The following FBXW9 variants were observed in gnomAD, a reference collection of about 807,000 sequenced individuals.
FBXW9 encodes F-box and WD repeat domain containing 9, also known as F-box/WD repeat-containing protein 9.
In FBXW9, 38 loss-of-function variants were observed where a neutral mutation model predicts 55.8. That is an observed-to-expected ratio of 0.68 (90% CI 0.53 to 0.89). The LOEUF (loss-of-function observed/expected upper bound fraction) is 0.89, where lower values mean the gene tolerates loss of function less well. Among genes scored for constraint, FBXW9 ranks in the 40% least tolerant of loss-of-function variants. FBXW9 has a pLI of 0.00. For synonymous variants in FBXW9, 289 were observed against 278.2 expected (o/e 1.04, Z -0.38); for missense variants, 590 against 619.4 (o/e 0.95, Z 0.50).
intron 3 of FBXW9, among the ~76,000 whole-genome samples, chr19:12,694,337 C>CA (rs1314324715): frequency 0.21 from 12,630 of 59,910 alleles, 2,455 homozygotes; most frequent in African/African-American, 0.49. Context: ...GACTCCGTCT[C>CA]AAAAAAAAAA....
chr19:12,696,278 C>G lies in FBXW9; in HGVS notation c.304G>C (p.Val102Leu). 2 of 1,574,298 alleles carry G rather than the reference C, an allele frequency of 1.3e-6. No individual in the cohort carries two copies. The highest frequency in any genetic ancestry group is 1.7e-6 in the Non-Finnish European group (2 of 1,160,434). The change falls in exon 1 of 10, where the codon GTC becomes CTC. Residue 102 changes from valine to leucine, a missense_variant. Physicochemically the swap from Val to Leu is conservative, Grantham distance 32. Transcript: ENST00000393261. ...SYLDARLVLH[V>L]LSRVCHALRD... ...AGCGCGTGGCACACCCGCGACAGGACGTGGAGCACGAGGCGGGCGTCCAGG... is the reference window on the plus strand; with the variant it reads ...AGCGCGTGGCACACCCGCGACAGGAGGTGGAGCACGAGGCGGGCGTCCAGG...
At position 12,694,860 on chromosome 19, in the gene FBXW9, AC is replaced by A; in HGVS notation, c.487del (p.Val163SerfsTer51). The A allele has an allele frequency of 6.2e-7, 1 of 1,613,966 alleles. No homozygotes were observed. The highest frequency in any genetic ancestry group is 1.1e-5 in the South Asian group (1 of 91,068). On this transcript the variant is annotated frameshift_variant, in exon 2 of 10. Coordinates refer to ENST00000393261, the MANE Select transcript of FBXW9 (RefSeq NM_032301.3). LOFTEE classifies it high-confidence loss of function. ...GCCTTCGGCCAGGCAGAAGTATTCG[AC>A]CCAGCGCCCATCCTCTGCCCAGCGG... ...LSRWAEDGRWVEYFCLAEGHV... is the reference protein window; with the variant it reads ...LSRWAEDGRWXEYFCLAEGHV...
Position 12,691,063 on chromosome 19 carries a change from G to C in FBXW9, c.883+103C>G, listed in dbSNP as rs1165859738. 8 of 1,005,148 alleles carry C rather than the reference G, an allele frequency of 8.0e-6. No homozygotes were observed. In the African/African-American group the frequency reaches 9.5e-5, roughly 12 times the overall value. 62.3% of individuals were successfully genotyped at this position (1,005,148 alleles called of 1,614,324 possible). Reference sequence around the variant, plus strand: ...ACAGCATGGCCACTCTGAGTGGTGAGTATTTGGTTAAGTGACTATGACCCC... The same window carrying C: ...ACAGCATGGCCACTCTGAGTGGTGACTATTTGGTTAAGTGACTATGACCCC... On this transcript the variant is annotated intron_variant, in intron 5 of 9. Coordinates refer to ENST00000393261, the MANE Select transcript of FBXW9 (RefSeq NM_032301.3).
In FBXW9 at chr19:12,688,955, T is replaced by A. The variant is rs1337952238; in HGVS notation, c.*261A>T. On this transcript the variant is annotated 3_prime_UTR_variant, in exon 10 of 10. Transcript: ENST00000393261. The stretch of plus-strand genomic sequence containing the variant: ...TGTCAGGTTTATTTCTCCTTCGCTC[T>A]CAACTGAGAGCGGGGCATCCAAATC... 3.1e-6 allele frequency: 2 copies of A among 655,264 alleles called. No homozygotes were observed. Among genetic ancestry groups the A allele is most frequent in the East Asian group, 5.8e-5 (2 of 34,532 alleles). 40.6% of individuals were successfully genotyped at this position (655,264 alleles called of 1,614,324 possible).
In FBXW9 at chr19:12,689,763, G is replaced by T; in HGVS notation, c.1144C>A (p.Arg382=). The T allele has an allele frequency of 6.2e-7, 1 of 1,613,972 alleles. No homozygotes were observed. Among genetic ancestry groups the T allele is most frequent in the Non-Finnish European group, 8.5e-7 (1 of 1,179,846 alleles). The change falls in exon 7 of 10, where the codon CGG becomes AGG. Residue 382 remains arginine (R), a splice_region_variant and synonymous_variant. Coordinates refer to ENST00000393261, the MANE Select transcript of FBXW9 (RefSeq NM_032301.3). The surrounding 1 kb of genome is among the most constrained non-coding windows in gnomAD (Gnocchi z 5.9). The part of the protein sequence containing the change: ...ANRNGCFQLI[R]SFDVGHSFPI... ...CAGGGGCAGGAGCTCCAGCAGACCCGGATAAGCTGGAAGCAGCCGTTGCGG... is the reference window on the plus strand; with the variant it reads ...CAGGGGCAGGAGCTCCAGCAGACCCTGATAAGCTGGAAGCAGCCGTTGCGG...
At position 12,696,528 on chromosome 19, in the gene FBXW9, C is replaced by T; in HGVS notation, c.54G>A (p.Ser18=). Residue 18 remains serine (S), a synonymous_variant, in exon 1 of 10, where the codon TCG becomes TCA. Coordinates refer to ENST00000393261, the MANE Select transcript of FBXW9 (RefSeq NM_032301.3). The part of the protein sequence containing the change: ...CDDSRTWDDD[S]DPESETDPDA... ...CTGGGTCTGTCTCTGACTCTGGGTCCGAGTCATCGTCCCAGGTGCGGGAAT... is the reference window on the plus strand; with the variant it reads ...CTGGGTCTGTCTCTGACTCTGGGTCTGAGTCATCGTCCCAGGTGCGGGAAT... 2 of 1,612,636 alleles carry T rather than the reference C, an allele frequency of 1.2e-6. No individual in the cohort carries two copies. The highest frequency in any genetic ancestry group is 2.2e-5 in the East Asian group (1 of 44,852).
At position 12,689,793 on chromosome 19, in the gene FBXW9, C is replaced by A. The variant is rs199707156; in HGVS notation, c.1114G>T (p.Ala372Ser). Residue 372 changes from alanine to serine, a missense_variant, in exon 7 of 10, where the codon GCC (alanine) becomes TCC (serine). Transcript: ENST00000393261. The surrounding 1 kb of genome is among the most constrained non-coding windows in gnomAD (Gnocchi z 5.9). Reference protein sequence around the residue: ...GDNQGLLHVFANRNGCFQLIR... With the variant: ...GDNQGLLHVFSNRNGCFQLIR... ...AGCTGGAAGCAGCCGTTGCGGTTGGCGAAGACGTGCAGCAGGCCCTGGTTG... is the reference window on the plus strand; with the variant it reads ...AGCTGGAAGCAGCCGTTGCGGTTGGAGAAGACGTGCAGCAGGCCCTGGTTG... 6.2e-7 allele frequency: 1 copy of A among 1,613,962 alleles called. No individual in the cohort carries two copies. The highest frequency in any genetic ancestry group is 1.3e-5 in the African/African-American group (1 of 74,890).
At chr19:12,695,888 A>G (rs894907518) in intron 1 of FBXW9, among the ~76,000 whole-genome samples, 3 of 152,192 alleles carry the variant, frequency 2.0e-5, no homozygotes, top group African/African-American at 7.2e-5. Context: ...ACAAGACCCC[A>G]AGACTGAGGA....
At position 12,689,728 on chromosome 19, in the gene FBXW9, G is replaced by C. The variant is rs762179818; in HGVS notation, c.1146+33C>G. On this transcript the variant is annotated intron_variant, in intron 7 of 9. Transcript: ENST00000393261. This position sits in a 1 kb window ranked among gnomAD's most constrained non-coding sequence, Gnocchi z 5.9. Reference sequence around the variant, plus strand: ...CTCGGGTAGGAAGGAAGCCCGGGGGGAGGGACAGTCAGGGGCAGGAGCTCC... The same window carrying C: ...CTCGGGTAGGAAGGAAGCCCGGGGGCAGGGACAGTCAGGGGCAGGAGCTCC... 1.2e-6 allele frequency: 2 copies of C among 1,609,742 alleles called. No homozygotes were observed. Among genetic ancestry groups the C allele is most frequent in the African/African-American group, 1.3e-5 (1 of 74,764 alleles).
chr19:12,693,603 C>A lies in FBXW9; in HGVS notation c.678+991G>T, dbSNP rs1250381846. 2.3e-3 allele frequency among the ~76,000 whole-genome samples: 170 copies of A among 72,904 alleles called. 12 individuals are homozygous for A. The highest frequency in any genetic ancestry group is 9.5e-3 in the African/African-American group (161 of 16,976). 47.8% of individuals were successfully genotyped at this position (72,904 alleles called of 152,430 possible). Reference sequence around the variant, plus strand: ...ACACACACACACACACACACACACACACACAAAAGAAATTAGCTGGGCATG... The same window carrying A: ...ACACACACACACACACACACACACAAACACAAAAGAAATTAGCTGGGCATG... On this transcript the variant is annotated intron_variant, in intron 3 of 9. Coordinates refer to ENST00000393261, the MANE Select transcript of FBXW9 (RefSeq NM_032301.3).
At position 12,689,214 on chromosome 19, in the gene FBXW9, G is replaced by A. The variant is rs1355747530; in HGVS notation, c.*2C>T. ...GCAGTATCCACATCCACGCCCACCT[G>A]CTCAGGCCTGCAGCCTCCAGACCTC... is the stretch of plus-strand genomic sequence containing the variant. On this transcript the variant is annotated 3_prime_UTR_variant, in exon 10 of 10. Coordinates refer to ENST00000393261, the MANE Select transcript of FBXW9 (RefSeq NM_032301.3). This position sits in a 1 kb window ranked among gnomAD's most constrained non-coding sequence, Gnocchi z 5.9. 2 of 1,596,550 alleles carry A rather than the reference G, an allele frequency of 1.3e-6. No homozygotes were observed. Among genetic ancestry groups the A allele is most frequent in the African/African-American group, 2.7e-5 (2 of 74,578 alleles).
Position 12,691,468 on chromosome 19 carries a change from G to C in FBXW9, c.679-14C>G. On this transcript the variant is annotated splice_polypyrimidine_tract_variant and intron_variant, in intron 3 of 9. Transcript: ENST00000393261. Reference sequence around the variant, plus strand: ...CCACACCCAGCCCTGCAGGACAGGAGCAGCAGTCACACACCTGCCACAGCC... The same window carrying C: ...CCACACCCAGCCCTGCAGGACAGGACCAGCAGTCACACACCTGCCACAGCC... The C allele has an allele frequency of 6.4e-7, 1 of 1,550,406 alleles. No individual in the cohort carries two copies. Among genetic ancestry groups the C allele is most frequent in the Non-Finnish European group, 8.7e-7 (1 of 1,148,246 alleles).
rs374518510 is a variant in FBXW9, at chr19:12,694,689, G to A, written c.583C>T (p.Arg195Cys). 24 of 1,614,044 alleles carry A rather than the reference G, an allele frequency of 1.5e-5. No homozygotes were observed. The highest frequency in any genetic ancestry group is 1.8e-5 in the Non-Finnish European group (21 of 1,180,056). ...GSLCLSGSRDRNVNLWDLRQL... is the reference protein window; with the variant it reads ...GSLCLSGSRDCNVNLWDLRQL... ...CGCAGGTCCCACAAGTTGACGTTGC[G>A]ATCTCGGGAGCCCGACAGACAGAGT... Residue 195 changes from arginine (R) to cysteine (C), a missense_variant, in exon 3 of 10, where the codon CGC (arginine) becomes TGC (cysteine). Physicochemically the swap from Arg to Cys is radical, Grantham distance 180. Coordinates refer to ENST00000393261, the MANE Select transcript of FBXW9 (RefSeq NM_032301.3).
Position 12,689,128 on chromosome 19 carries a change from G to T in FBXW9, c.*88C>A. 1 of 1,080,778 alleles carries T rather than the reference G, an allele frequency of 9.3e-7. No individual in the cohort carries two copies. The allele number at this position is 1,080,778 out of a possible 1,614,324, so 66.9% of individuals were successfully genotyped here. A position where few individuals can be genotyped will look rare whatever the true frequency, so the allele number is the denominator to read the frequency against. The stretch of plus-strand genomic sequence containing the variant: ...TTGTGCCCTAGGCCCACGGGGCGGA[G>T]GCAGCACCAACATTGGGGATGGTCC... On this transcript the variant is annotated 3_prime_UTR_variant, in exon 10 of 10. Coordinates refer to ENST00000393261, the MANE Select transcript of FBXW9 (RefSeq NM_032301.3). The surrounding 1 kb of genome is among the most constrained non-coding windows in gnomAD (Gnocchi z 5.9).
chr19:12,689,175 C>A lies in FBXW9; in HGVS notation c.*41G>T. The A allele has an allele frequency of 1.4e-6, 2 of 1,467,266 alleles. No individual in the cohort carries two copies. Among genetic ancestry groups the A allele is most frequent in the Non-Finnish European group, 1.9e-6 (2 of 1,046,372 alleles). The allele number at this position is 1,467,266 out of a possible 1,614,324, so 90.9% of individuals were successfully genotyped here. ...GTCCCCCAAGAACAGAGGAGGAAGC[C>A]CAGCCTCCGGCAGGCAGTATCCACA... On this transcript the variant is annotated 3_prime_UTR_variant, in exon 10 of 10. Coordinates refer to ENST00000393261, the MANE Select transcript of FBXW9 (RefSeq NM_032301.3). This position sits in a 1 kb window ranked among gnomAD's most constrained non-coding sequence, Gnocchi z 5.9.
Position 12,696,480 on chromosome 19 carries a change from C to T in FBXW9, c.102G>A (p.Val34=), listed in dbSNP as rs886671917. ...ATTTTGGCGGACTGAGAACGCGGGC[C>T]ACGTAGGCCTTGGCCTGCGCGTCTG... ...TDPDAQAKAY[V]ARVLSPPKSG... is the part of the protein sequence containing the mutation. The change falls in exon 1 of 10, where the codon GTG becomes GTA. Residue 34 remains valine, a synonymous_variant. Coordinates refer to ENST00000393261, the MANE Select transcript of FBXW9 (RefSeq NM_032301.3). The T allele has an allele frequency of 5.0e-6, 8 of 1,612,658 alleles. No individual in the cohort carries two copies. Among genetic ancestry groups the T allele is most frequent in the Non-Finnish European group, 6.8e-6 (8 of 1,179,956 alleles).
At position 12,689,324 on chromosome 19, in the gene FBXW9, C is replaced by T. The variant is rs774467378; in HGVS notation, c.1303-34G>A. 2.0e-5 allele frequency: 33 copies of T among 1,614,060 alleles called. No individual in the cohort carries two copies. The highest frequency in any genetic ancestry group is 1.7e-4 in the Admixed American group (10 of 60,002). On this transcript the variant is annotated intron_variant, in intron 9 of 9. Transcript: ENST00000393261. The surrounding 1 kb of genome is among the most constrained non-coding windows in gnomAD (Gnocchi z 5.9). ...GGGGAGGAACATGAGGAGTCAGGGA[C>T]GATGGCGCTCTGGCCAGCTGGGCAG... is the stretch of plus-strand genomic sequence containing the variant.
At position 12,694,848 on chromosome 19, in the gene FBXW9, C is replaced by G; in HGVS notation, c.500G>C (p.Cys167Ser). The change falls in exon 2 of 10, where the codon TGC becomes TCC. Residue 167 changes from cysteine to serine, a missense_variant. Physicochemically the swap from Cys to Ser is moderately radical, Grantham distance 112. Transcript: ENST00000393261. Reference protein sequence around the residue: ...AEDGRWVEYFCLAEGHVASVD... With the variant: ...AEDGRWVEYFSLAEGHVASVD... ...GGAAGCCACGTGGCCTTCGGCCAGG[C>G]AGAAGTATTCGACCCAGCGCCCATC... The G allele has an allele frequency of 6.2e-7, 1 of 1,614,120 alleles. No individual in the cohort carries two copies. The highest frequency in any genetic ancestry group is 8.5e-7 in the Non-Finnish European group (1 of 1,180,026).
intron 3 of FBXW9, among the ~76,000 whole-genome samples, chr19:12,693,676 G>A (rs2025041829): frequency 6.8e-6 from 1 of 146,534 alleles, no homozygotes; most frequent in Non-Finnish European, 1.5e-5. Context: ...AGGTTGCAGT[G>A]AGCTGAGATT....
Sources: gnomAD v4.1 joint callset for allele counts (sites outside exome capture counted in the v4.1 genomes callset) on GRCh38, gnomAD v4.1.1 for gene constraint, Gnocchi (gnomAD v3.1) non-coding constraint, MANE v1.5 for transcripts, NCBI Gene and HGNC (gene_info 2026-07-23, HGNC 2026-07-21) for gene names.